PIK3C2G: variants seen among roughly 807,000 people sequenced by gnomAD.
PIK3C2G encodes phosphatidylinositol-4-phosphate 3-kinase catalytic subunit type 2 gamma, also known as phosphatidylinositol 3-kinase C2 domain-containing subunit gamma.
A neutral mutation model predicts 181.1 loss-of-function variants in PIK3C2G; 168 were observed. That is an observed-to-expected ratio of 0.93 (90% CI 0.82 to 1.05). PIK3C2G has a LOEUF of 1.05. Ranked by LOEUF, PIK3C2G falls within the 50% of genes least tolerant of loss-of-function variation. The pLI is 0.00. For synonymous variants in PIK3C2G, 573 were observed against 592.2 expected, an observed-to-expected ratio of 0.97 and a Z score of 0.47; for missense variants, 1,869 against 1,732.8, an observed-to-expected ratio of 1.08 and a Z score of -1.40.
At chr12:18,492,518 C>G (rs914456073) in intron 20 of PIK3C2G, among the ~76,000 whole-genome samples, 6 of 152,132 alleles carry the variant, frequency 3.9e-5, no homozygotes, top group African/African-American at 1.4e-4. Context: ...TGAGATATGT[C>G]TGTCTGGGCT....
chr12:18,425,261 T>C (rs971129710), intron 18 of PIK3C2G: 1 of 152,990 alleles, frequency 6.5e-6, no homozygotes, highest in African/African-American at 2.4e-5. Flanking sequence ...GAATGAAATA[T>C]TGTTCCAGGC....
At chr12:18,292,584 T>A (rs373273670) in intron 4 of PIK3C2G, among the ~76,000 whole-genome samples, 1 of 152,114 alleles carries the variant, frequency 6.6e-6, no homozygotes, top group East Asian at 1.9e-4. Context: ...GGTTGGGTCA[T>A]GTTGTCTTCA....
intron 5 of PIK3C2G, among the ~76,000 whole-genome samples, chr12:18,313,625 A>G (rs1041751971): frequency 4.6e-5 from 7 of 152,088 alleles, no homozygotes; most frequent in African/African-American, 1.7e-4. Flanking sequence ...CTAACTTAGA[A>G]TATGCAAAGT....
intron 6 of PIK3C2G, among the ~76,000 whole-genome samples, chr12:18,320,347 G>C (rs1035355744): frequency 2.6e-5 from 4 of 151,192 alleles, no homozygotes; most frequent in Non-Finnish European, 5.9e-5. Flanking sequence ...GTGTGTGTGT[G>C]AGCACACACA....
the PIK3C2G span, among the ~76,000 whole-genome samples, chr12:18,684,716 AAATT>A: frequency 1.3e-5 from 2 of 152,076 alleles, no homozygotes; most frequent in Non-Finnish European, 2.9e-5. Flanking sequence ...GAAATGAAGA[AAATT>A]AAGTAACATC....
chr12:18,709,575 G>C, the PIK3C2G span, among the ~76,000 whole-genome samples: 1 of 151,494 alleles, frequency 6.6e-6, no homozygotes, highest in African/African-American at 2.4e-5. Context: ...ATTTTGATAA[G>C]AATTGCATTA....
rs367841463 is a variant in PIK3C2G at position 18,354,447 on chromosome 12, C to G, written c.1625+7611C>G. Among the ~76,000 whole-genome samples the G allele has an allele frequency of 4.2e-3, 635 of 152,348 alleles. 1 individual carries two copies. Among genetic ancestry groups the G allele is most frequent in the African/African-American group, 0.014 (593 of 41,594 alleles). ...GGTTTGTTTCTTTAATTCCCTGAGA[C>G]TGCCCCTTGCAGCCTCTCCTGAGAT... On this transcript the variant is annotated intron_variant, in intron 11 of 32. Transcript: ENST00000538779.
intron 29 of PIK3C2G, among the ~76,000 whole-genome samples, chr12:18,586,249 G>A (rs1429697093): frequency 6.6e-6 from 1 of 151,674 alleles, no homozygotes; most frequent in African/African-American, 2.4e-5. Flanking sequence ...AGGAGATCAA[G>A]ACACAAAAAA....
intron 18 of PIK3C2G, among the ~76,000 whole-genome samples, chr12:18,473,129 C>T (rs1396819747): frequency 6.6e-6 from 1 of 152,044 alleles, no homozygotes; most frequent in Non-Finnish European, 1.5e-5. Flanking sequence ...TAGGGCAAAT[C>T]GTTTTTTATC....
rs116065741 is a variant in PIK3C2G at position 18,506,522 on chromosome 12, C to T, written c.3323+1061C>T. On this transcript the variant is annotated intron_variant, in intron 24 of 32. Transcript: ENST00000538779. Reference sequence around the variant, plus strand: ...TATTTTGAAGACAGAGCCACAGGATCTGCTAATTGATTGGACGTTGGCTGT... The same window carrying T: ...TATTTTGAAGACAGAGCCACAGGATTTGCTAATTGATTGGACGTTGGCTGT... Among the ~76,000 whole-genome samples, 723 of 152,240 alleles carry T rather than the reference C, an allele frequency of 4.7e-3. 6 individuals are homozygous for T. The highest frequency in any genetic ancestry group is 0.017 in the African/African-American group (697 of 41,534).
intron 31 of PIK3C2G, among the ~76,000 whole-genome samples, chr12:18,625,591 A>G (rs895101500): frequency 1.3e-5 from 2 of 151,734 alleles, no homozygotes; most frequent in Non-Finnish European, 3.0e-5. Flanking sequence ...TTCTGTATGG[A>G]TGATCTGTCC....
At chr12:18,276,351 C>T (rs772232291) in intron 1 of PIK3C2G, among the ~76,000 whole-genome samples, 1 of 152,128 alleles carries the variant, frequency 6.6e-6, no homozygotes, top group Non-Finnish European at 1.5e-5. Context: ...CTTATTTACT[C>T]CTGAGACACA....
intron 11 of PIK3C2G, among the ~76,000 whole-genome samples, chr12:18,352,149 C>T (rs901867928): frequency 2.0e-5 from 3 of 152,326 alleles, no homozygotes; most frequent in Admixed American, 1.3e-4. Flanking sequence ...AATCCTCACA[C>T]CAGTGACACA....
At chr12:18,468,662 T>C (rs1235521865) in intron 18 of PIK3C2G, among the ~76,000 whole-genome samples, 7 of 152,096 alleles carry the variant, frequency 4.6e-5, no homozygotes, top group Admixed American at 4.6e-4. Context: ...TGATTCATTG[T>C]TGTAGCTCAT....
chr12:18,556,055 C>T (rs1323998038), intron 26 of PIK3C2G, among the ~76,000 whole-genome samples: 5 of 152,088 alleles, frequency 3.3e-5, no homozygotes, highest in African/African-American at 1.2e-4. Context: ...CTCTTCTTTA[C>T]CTCCCAGCAC....
intron 18 of PIK3C2G, among the ~76,000 whole-genome samples, chr12:18,460,968 A>C (rs1160143219): frequency 6.6e-6 from 1 of 152,136 alleles, no homozygotes; most frequent in African/African-American, 2.4e-5. Flanking sequence ...AAATGAGTTA[A>C]TACACGTAAA....
chr12:18,614,716 A>T (rs1196477510), intron 31 of PIK3C2G, among the ~76,000 whole-genome samples: 1 of 152,156 alleles, frequency 6.6e-6, no homozygotes, highest in Non-Finnish European at 1.5e-5. Flanking sequence ...CTTCAAAGAT[A>T]ATATGAATTA....
intron 29 of PIK3C2G, among the ~76,000 whole-genome samples, chr12:18,587,748 C>A (rs1592654079): frequency 1.3e-5 from 2 of 150,916 alleles, no homozygotes; most frequent in Admixed American, 6.6e-5. Context: ...CAATAACAAC[C>A]AAACAAAACA....
At chr12:18,265,733 G>T (rs1000291862) in intron 1 of PIK3C2G, among the ~76,000 whole-genome samples, 2 of 151,872 alleles carry the variant, frequency 1.3e-5, no homozygotes, top group African/African-American at 4.8e-5. Flanking sequence ...TATGCAATAG[G>T]CTGGGCGTGG....
Sources: allele counts gnomAD v4.1 joint callset (sites outside exome capture counted in the v4.1 genomes callset), GRCh38; gene constraint gnomAD v4.1.1; transcripts MANE v1.5; gene names NCBI Gene and HGNC (gene_info 2026-07-23, HGNC 2026-07-21).